Variants in PDE3A observed in about 807,000 individuals in gnomAD.
PDE3A encodes cGMP-inhibited 3',5'-cyclic phosphodiesterase 3A.
In PDE3A, 43 loss-of-function variants were observed where a neutral mutation model predicts 98.3. The observed-to-expected ratio is 0.44, with a 90% confidence interval of 0.34 to 0.56. PDE3A has a LOEUF of 0.56. PDE3A is among the 20% of genes least tolerant of loss of function. The pLI, the probability that PDE3A is intolerant of heterozygous loss-of-function variation, is 0.01. For missense variants in PDE3A, 1,427 were observed against 1,440.7 expected, an observed-to-expected ratio of 0.99 and a Z score of 0.15; for synonymous variants, 663 against 567.9, an observed-to-expected ratio of 1.17 and a Z score of -2.38.
intron 2 of PDE3A, among the ~76,000 whole-genome samples, chr12:20,597,205 A>T (rs892385828): frequency 2.6e-5 from 4 of 152,166 alleles, no homozygotes; most frequent in African/African-American, 4.8e-5. Flanking sequence ...CTATATGTAA[A>T]ATGACTTACA....
chr12:20,464,986 TATGAGAATATGAAATTCTAAAAATGA>T (rs1945315586), intron 1 of PDE3A, among the ~76,000 whole-genome samples: 1 of 152,200 alleles, frequency 6.6e-6, no homozygotes, highest in Non-Finnish European at 1.5e-5. Context: ...AGCAGTTACA[TATGAGAATATGAAATTCTAAAAATGA>T]AATTAGAAGT....
intron 1 of PDE3A, among the ~76,000 whole-genome samples, chr12:20,391,271 A>C (rs909986049): frequency 6.6e-6 from 1 of 151,370 alleles, no homozygotes. Flanking sequence ...TCTTTTGTAC[A>C]GTTAATATAT....
intron 15 of PDE3A, among the ~76,000 whole-genome samples, chr12:20,669,269 C>T (rs1462689917): frequency 3.3e-5 from 5 of 152,116 alleles, no homozygotes; most frequent in Non-Finnish European, 4.4e-5. Flanking sequence ...AGTTGGAAAA[C>T]ATGCTGCAGG....
intron 2 of PDE3A, among the ~76,000 whole-genome samples, chr12:20,584,935 G>A (rs1300359929): frequency 6.6e-6 from 1 of 152,140 alleles, no homozygotes; most frequent in African/African-American, 2.4e-5. Flanking sequence ...AGGTAGTTAT[G>A]ATTAGGCAAG....
At chr12:20,616,927 G>C (rs1319388799) in intron 4 of PDE3A, among the ~76,000 whole-genome samples, 3 of 152,024 alleles carry the variant, frequency 2.0e-5, no homozygotes, top group Non-Finnish European at 4.4e-5. Context: ...TTAAAAGCCA[G>C]AATTATCAAA....
Position 20,646,560 on chromosome 12 carries a change from C to T in PDE3A, c.2322C>T (p.Gly774=), listed in dbSNP as rs1944781617. The change falls in exon 11 of 16, where the codon GGC becomes GGT. Residue 774 remains glycine (G), a synonymous_variant. Transcript: ENST00000359062. ...ATCTTACTACACAGCCTATTCCAGG[C>T]CTCTCAACTGTGATTAATGATCATG... ...VWYLTTQPIP[G]LSTVINDHGS... The T allele has an allele frequency of 1.2e-6, 2 of 1,608,684 alleles. No individual in the cohort carries two copies. The highest frequency in any genetic ancestry group is 1.7e-6 in the Non-Finnish European group (2 of 1,175,118).
chr12:20,486,714 A>AC (rs1003527340), intron 1 of PDE3A, among the ~76,000 whole-genome samples: 6 of 152,030 alleles, frequency 3.9e-5, no homozygotes. Flanking sequence ...ATCCACTGCA[A>AC]CCCCCGCCTT....
intron 1 of PDE3A, among the ~76,000 whole-genome samples, chr12:20,406,319 G>C (rs139258435): frequency 1.3e-5 from 2 of 152,100 alleles, no homozygotes. Flanking sequence ...GTTGTTTTTC[G>C]TAATCAGTTT....
intron 1 of PDE3A, among the ~76,000 whole-genome samples, chr12:20,387,623 A>G (rs2120589390): frequency 6.6e-6 from 1 of 152,142 alleles, no homozygotes; most frequent in South Asian, 2.1e-4. Flanking sequence ...TTTTGTATCC[A>G]TATTAACTCA....
chr12:20,654,649 A>G (rs1565464906), intron 15 of PDE3A, among the ~76,000 whole-genome samples: 1 of 143,436 alleles, frequency 7.0e-6, no homozygotes, highest in Non-Finnish European at 1.5e-5. Flanking sequence ...GGTGCGCAAC[A>G]CTACACCCGG....
intron 1 of PDE3A, among the ~76,000 whole-genome samples, chr12:20,384,773 C>G (rs1943721495): frequency 1.3e-5 from 2 of 151,930 alleles, no homozygotes. Context: ...TAAGTGAAAA[C>G]ATGTGGTGTT....
intron 1 of PDE3A, among the ~76,000 whole-genome samples, chr12:20,441,321 G>T (rs1944867122): frequency 1.3e-5 from 2 of 152,128 alleles, no homozygotes; most frequent in African/African-American, 2.4e-5. Context: ...GGGTTCTGAA[G>T]GGTGAGTGGA....
intron 6 of PDE3A, among the ~76,000 whole-genome samples, chr12:20,633,122 T>C (rs1413014769): frequency 6.6e-6 from 1 of 151,994 alleles, no homozygotes; most frequent in Non-Finnish European, 1.5e-5. Context: ...TGGCAATTTT[T>C]GTATTTTTAG....
intron 5 of PDE3A, among the ~76,000 whole-genome samples, chr12:20,622,167 G>A (rs1944152670): frequency 6.6e-6 from 1 of 152,088 alleles, no homozygotes; most frequent in East Asian, 1.9e-4. Context: ...ACTTCCCACT[G>A]AGATATGAAA....
At chr12:20,591,601 A>T (rs1000443782) in intron 2 of PDE3A, among the ~76,000 whole-genome samples, 2 of 152,222 alleles carry the variant, frequency 1.3e-5, no homozygotes, top group Non-Finnish European at 2.9e-5. Flanking sequence ...GGATCAGAGG[A>T]AGAAAGAATG....
At chr12:20,505,342 G>A (rs1201649794) in intron 1 of PDE3A, among the ~76,000 whole-genome samples, 1 of 151,922 alleles carries the variant, frequency 6.6e-6, no homozygotes, top group Admixed American at 6.6e-5. Context: ...TTTTGTCACT[G>A]TACCTCATTT....
In PDE3A at chr12:20,573,562, C is replaced by T. The variant is rs765262942; in HGVS notation, c.1011+16852C>T. On this transcript the variant is annotated intron_variant, in intron 2 of 15. Coordinates refer to ENST00000359062, the MANE Select transcript of PDE3A (RefSeq NM_000921.5). ...AGACTGTTTTCAAATGCAGGACAAA[C>T]GCAAGAGGTAAGACTGTTCTAATTT... is the stretch of plus-strand genomic sequence containing the variant. 5.9e-5 allele frequency among the ~76,000 whole-genome samples: 9 copies of T among 151,992 alleles called. No individual in the cohort carries two copies. In the South Asian group the frequency reaches 6.2e-4, roughly 11 times the overall value.
intron 1 of PDE3A, among the ~76,000 whole-genome samples, chr12:20,513,959 A>C (rs1946272664): frequency 6.6e-6 from 1 of 152,210 alleles, no homozygotes; most frequent in South Asian, 2.1e-4. Context: ...CACATCTGGA[A>C]CTAAGAAAAC....
At chr12:20,539,772 G>A (rs903951211) in intron 1 of PDE3A, among the ~76,000 whole-genome samples, 4 of 152,100 alleles carry the variant, frequency 2.6e-5, no homozygotes, top group South Asian at 2.1e-4. Flanking sequence ...CAAGATGAAC[G>A]GCATCCAAAC....
Sources: allele counts gnomAD v4.1 joint callset (sites outside exome capture counted in the v4.1 genomes callset), GRCh38; gene constraint gnomAD v4.1.1; transcripts MANE v1.5; gene names NCBI Gene and HGNC (gene_info 2026-07-23, HGNC 2026-07-21).